The following AGO2 variants were observed in gnomAD, a reference collection of about 807,000 sequenced individuals.
AGO2 encodes the protein protein argonaute-2.
Under a neutral mutation model 102.3 loss-of-function variants are expected in AGO2, and 5 were observed. The ratio of observed to expected loss-of-function variants is 0.05; its 90% CI spans 0.03 to 0.10. AGO2 has a LOEUF of 0.10. Ranked by LOEUF, AGO2 falls within the 10% of genes least tolerant of loss-of-function variation. The pLI is 1.00. For synonymous variants in AGO2, 449 were observed against 473.1 expected (o/e 0.95, Z 0.66); for missense variants, 541 against 1,183.7 (o/e 0.46, Z 7.97).
At chr8:140,608,276 G>C (rs2074030986) in intron 1 of AGO2, among the ~76,000 whole-genome samples, 1 of 152,170 alleles carries the variant, frequency 6.6e-6, no homozygotes, top group Non-Finnish European at 1.5e-5. Flanking sequence ...GCACGCTCCG[G>C]TCTCCTGTCA....
chr8:140,604,194 C>T (rs2073965297), intron 1 of AGO2, among the ~76,000 whole-genome samples: 1 of 152,252 alleles, frequency 6.6e-6, no homozygotes. Flanking sequence ...GATATATTCT[C>T]AAACTCATCA....
In AGO2 at chr8:140,539,064, C is replaced by T. The variant is rs2072747540; in HGVS notation, c.2169+256G>A. On this transcript the variant is annotated intron_variant, in intron 16 of 18. Transcript: ENST00000220592. This position sits in a 1 kb window ranked among gnomAD's most constrained non-coding sequence, Gnocchi z 4.7. The stretch of plus-strand genomic sequence containing the variant: ...GCTGCAGTAAGCTATGATCGCACCA[C>T]TGCACTCTAGCCTGGGTGACAGAGC... Among the ~76,000 whole-genome samples the T allele has an allele frequency of 6.6e-6, 1 of 152,236 alleles. No individual in the cohort carries two copies. The highest frequency in any genetic ancestry group is 1.5e-5 in the Non-Finnish European group (1 of 68,046).
intron 1 of AGO2, among the ~76,000 whole-genome samples, chr8:140,607,697 G>A (rs2074022491): frequency 1.3e-5 from 2 of 151,970 alleles, no homozygotes; most frequent in South Asian, 4.1e-4. Flanking sequence ...AAGTCCGCAT[G>A]TATAACCTCA....
intron 16 of AGO2, among the ~76,000 whole-genome samples, chr8:140,538,716 T>C (rs1024454579): frequency 6.6e-6 from 1 of 152,242 alleles, no homozygotes; most frequent in African/African-American, 2.4e-5. Flanking sequence ...GGTTTCTAAC[T>C]GGGACTTTTT....
At chr8:140,627,857 T>C (rs1402222562) in intron 1 of AGO2, among the ~76,000 whole-genome samples, 1 of 151,886 alleles carries the variant, frequency 6.6e-6, no homozygotes, top group Non-Finnish European at 1.5e-5. Context: ...CACCACAAAG[T>C]CCACTGTGGG....
Position 140,567,671 on chromosome 8 carries a change from C to G in AGO2, c.337-5037G>C, listed in dbSNP as rs1170190850. ...AGGACTCGATCCAAGGCCTGGAGCACGGCGAGGCACCTGTGACATCCAATC... is the reference window on the plus strand; with the variant it reads ...AGGACTCGATCCAAGGCCTGGAGCAGGGCGAGGCACCTGTGACATCCAATC... On this transcript the variant is annotated intron_variant, in intron 3 of 18. Transcript: ENST00000220592. The surrounding 1 kb of genome is among the most constrained non-coding windows in gnomAD (Gnocchi z 5.0). Among the ~76,000 whole-genome samples the G allele has an allele frequency of 6.6e-6, 1 of 152,204 alleles. No homozygotes were observed.
chr8:140,533,089 A>G (rs186525212), intron 17 of AGO2, among the ~76,000 whole-genome samples: 10 of 150,972 alleles, frequency 6.6e-5, no homozygotes, highest in African/African-American at 2.4e-4. Flanking sequence ...CAGAAAAATC[A>G]TATCAAAGAT....
intron 7 of AGO2, 95 bp downstream of exon 7, chr8:140,558,390 T>C: frequency 7.3e-7 from 1 of 1,360,556 alleles, no homozygotes; most frequent in South Asian, 1.2e-5. Flanking sequence ...TGGTCCTTTC[T>C]GGAGAATGGG....
rs550147335 is a variant in AGO2, at chr8:140,565,403, C to T, written c.337-2769G>A. Among the ~76,000 whole-genome samples the T allele has an allele frequency of 2.7e-3, 401 of 147,632 alleles. 2 individuals carry two copies. The highest frequency in any genetic ancestry group is 9.7e-3 in the African/African-American group (388 of 40,080). ...GCAGTGAGCCGAGATCGCGCCACTG[C>T]ACTCCAGCCTGGGCGACAGAGCAAG... On this transcript the variant is annotated intron_variant, in intron 3 of 18. Coordinates refer to ENST00000220592, the MANE Select transcript of AGO2 (RefSeq NM_012154.5).
At chr8:140,576,953 AT>A (rs2073474389) in intron 2 of AGO2, among the ~76,000 whole-genome samples, 1 of 152,148 alleles carries the variant, frequency 6.6e-6, no homozygotes, top group Non-Finnish European at 1.5e-5. Flanking sequence ...CACACCTGTA[AT>A]CCCAACACTT....
chr8:140,577,747 C>T (rs537971795), intron 2 of AGO2, among the ~76,000 whole-genome samples: 4 of 152,196 alleles, frequency 2.6e-5, no homozygotes, highest in Non-Finnish European at 4.4e-5. Flanking sequence ...TGGCAGGCAA[C>T]CACACACACC....
At chr8:140,600,519 A>G (rs1321181164) in intron 1 of AGO2, among the ~76,000 whole-genome samples, 4 of 152,140 alleles carry the variant, frequency 2.6e-5, no homozygotes, top group Non-Finnish European at 5.9e-5. Context: ...CATCTCTACT[A>G]CAAATACAAA....
In AGO2 at chr8:140,544,215, C is replaced by T. The variant is rs2072851087; in HGVS notation, c.1837G>A (p.Ala613Thr). The change falls in exon 14 of 19, where the codon GCC becomes ACC. Residue 613 changes from alanine to threonine, a missense_variant and splice_region_variant. Coordinates refer to ENST00000220592, the MANE Select transcript of AGO2 (RefSeq NM_012154.5). ...CATGGGGAAGCGCTGACACTCACGG[C>T]GGCAATGGAGGGCTTCTTCCCATCC... ...AGDGKKPSIA[A>T]VVGSMDAHPN... The T allele has an allele frequency of 1.3e-6, 2 of 1,584,584 alleles. No homozygotes were observed. The highest frequency in any genetic ancestry group is 1.7e-6 in the Non-Finnish European group (2 of 1,169,840).
intron 1 of AGO2, among the ~76,000 whole-genome samples, chr8:140,625,538 T>G (rs1398593247): frequency 1.3e-5 from 2 of 152,090 alleles, no homozygotes; most frequent in Non-Finnish European, 2.9e-5. Flanking sequence ...CCTGGCTCAC[T>G]GGTGAGTCCT....
At chr8:140,551,758 C>G (rs2977481) in intron 10 of AGO2, among the ~76,000 whole-genome samples, 96,596 of 142,094 alleles carry the variant, frequency 0.68, 33,138 homozygotes, top group African/African-American at 0.89. Flanking sequence ...GTGGGTGGTC[C>G]GTTGATGATC....
In AGO2 at chr8:140,522,024, G is replaced by C. The variant is rs575364159; in HGVS notation, c.*10020C>G. Reference sequence around the variant, plus strand: ...GACATTTTTTTTTTTCTTTTCACAGGGGGGCAGTCGGGATTATAATACACT... The same window carrying C: ...GACATTTTTTTTTTTCTTTTCACAGCGGGGCAGTCGGGATTATAATACACT... On this transcript the variant is annotated 3_prime_UTR_variant, in exon 19 of 19. Coordinates refer to ENST00000220592, the MANE Select transcript of AGO2 (RefSeq NM_012154.5). 12 of 152,120 alleles carry C rather than the reference G, an allele frequency of 7.9e-5. No homozygotes were observed. Among genetic ancestry groups the C allele is most frequent in the African/African-American group, 2.4e-4 (10 of 41,508 alleles). 9.4% of individuals were successfully genotyped at this position (152,120 alleles called of 1,614,324 possible).
intron 1 of AGO2, among the ~76,000 whole-genome samples, chr8:140,630,524 C>T (rs1212773604): frequency 1.3e-5 from 2 of 152,244 alleles, no homozygotes; most frequent in African/African-American, 4.8e-5. Context: ...CCCCTGACCG[C>T]AGCAGCAGGC....
At chr8:140,544,637 G>A (rs1164843872) in intron 13 of AGO2, among the ~76,000 whole-genome samples, 2 of 152,142 alleles carry the variant, frequency 1.3e-5, no homozygotes, top group South Asian at 2.1e-4. Context: ...CCACACCCAC[G>A]CCAGGGTTTC....
intron 3 of AGO2, among the ~76,000 whole-genome samples, chr8:140,563,846 C>G (rs2073239942): frequency 6.6e-6 from 1 of 152,204 alleles, no homozygotes; most frequent in Non-Finnish European, 1.5e-5. Flanking sequence ...GCCCGCCATG[C>G]CCATGCCCAG....
Sources: allele counts gnomAD v4.1 joint callset (sites outside exome capture counted in the v4.1 genomes callset), GRCh38; gene constraint gnomAD v4.1.1; non-coding constraint Gnocchi (gnomAD v3.1); transcripts MANE v1.5; gene names NCBI Gene and HGNC (gene_info 2026-07-23, HGNC 2026-07-21).